The following FSIP2 variants were observed in gnomAD, a reference collection of about 807,000 sequenced individuals.
FSIP2 encodes fibrous sheath interacting protein 2, also known as fibrous sheath-interacting protein 2.
FSIP2 carries 367 observed loss-of-function variants against 510.5 expected under a neutral mutation model. That is an observed-to-expected ratio of 0.72 (90% CI 0.66 to 0.78). The LOEUF (loss-of-function observed/expected upper bound fraction) is 0.78, where lower values mean the gene tolerates loss of function less well. Among genes scored for constraint, FSIP2 ranks in the 30% least tolerant of loss-of-function variants. FSIP2 has a pLI of 0.00. For missense variants in FSIP2, 7,594 were observed against 7,901.7 expected, an observed-to-expected ratio of 0.96 and a Z score of 1.48; for synonymous variants, 2,601 against 2,732.2, an observed-to-expected ratio of 0.95 and a Z score of 1.50.
At position 185,761,965 on chromosome 2, in the gene FSIP2, C is replaced by A. The variant is rs1220315377; in HGVS notation, c.1195-7C>A. On this transcript the variant is annotated splice_polypyrimidine_tract_variant and splice_region_variant and intron_variant, in intron 10 of 22. Transcript: ENST00000424728. ...TAATTTTTTCTCTTCAATGTGGTACCATGTAGAGAGATGGGATGGTATCTA... is the reference window on the plus strand; with the variant it reads ...TAATTTTTTCTCTTCAATGTGGTACAATGTAGAGAGATGGGATGGTATCTA... 2.7e-6 allele frequency: 4 copies of A among 1,455,722 alleles called. No homozygotes were observed. The South Asian group carries it at 5.0e-5, about 18-fold the overall frequency. The allele number at this position is 1,455,722 out of a possible 1,614,324, so 90.2% of individuals were successfully genotyped here.
At chr2:185,768,522 T>G (rs904638856) in intron 13 of FSIP2, among the ~76,000 whole-genome samples, 7 of 152,190 alleles carry the variant, frequency 4.6e-5, no homozygotes, top group African/African-American at 1.7e-4. Flanking sequence ...AAAATTATCT[T>G]TCCCTATTGT....
Position 185,790,831 on chromosome 2 carries a change from ATTTATC to A in FSIP2, c.3701_3706del (p.Ser1234_Leu1235del), listed in dbSNP as rs1426244395. 3.3e-6 allele frequency: 5 copies of A among 1,532,836 alleles called. No homozygotes were observed. Among genetic ancestry groups the A allele is most frequent in the African/African-American group, 1.4e-5 (1 of 72,818 alleles). 95.0% of individuals were successfully genotyped at this position (1,532,836 alleles called of 1,614,324 possible). Reference sequence around the variant, plus strand: ...TTTGACAGTGAAAAGAAAATGAAATATTTATCTTTATTTGACGTTGATCCTGAAAAG... The same window carrying A: ...TTTGACAGTGAAAAGAAAATGAAATATTTATTTGACGTTGATCCTGAAAAG... On this transcript the variant is annotated inframe_deletion, in exon 16 of 23. Transcript: ENST00000424728.
At chr2:185,823,104 T>C (rs879537642) in intron 19 of FSIP2, among the ~76,000 whole-genome samples, 2 of 151,874 alleles carry the variant, frequency 1.3e-5, no homozygotes, top group Non-Finnish European at 2.9e-5. Flanking sequence ...AAAAAAACTT[T>C]TGTTGGAAGA....
chr2:185,753,709 T>C lies in FSIP2; in HGVS notation c.871-13T>C. 1 of 1,047,782 alleles carries C rather than the reference T, an allele frequency of 9.5e-7. No homozygotes were observed. Among genetic ancestry groups the C allele is most frequent in the Non-Finnish European group, 1.4e-6 (1 of 737,512 alleles). 64.9% of individuals were successfully genotyped at this position (1,047,782 alleles called of 1,614,324 possible). A position where few individuals can be genotyped will look rare whatever the true frequency, so the allele number is the denominator to read the frequency against. ...AGTTAATATTAACCAATATATTTTC[T>C]TTAATATTGTAGAAACAAGATCTTC... On this transcript the variant is annotated splice_polypyrimidine_tract_variant and intron_variant, in intron 7 of 22. Transcript: ENST00000424728.
intron 8 of FSIP2, among the ~76,000 whole-genome samples, chr2:185,755,710 C>A (rs1004278523): frequency 2.0e-5 from 3 of 151,488 alleles, no homozygotes; most frequent in African/African-American, 7.3e-5. Context: ...CTAATAACAG[C>A]CCCTTGAGCA....
At chr2:185,820,171 C>T (rs1387516626) in intron 19 of FSIP2, among the ~76,000 whole-genome samples, 4 of 151,876 alleles carry the variant, frequency 2.6e-5, no homozygotes, top group South Asian at 2.1e-4. Flanking sequence ...GGGGTGATTA[C>T]TCCTATGCTG....
rs1312622913 is a variant in FSIP2, at chr2:185,803,339, A to G, written c.14033A>G (p.Asp4678Gly). 1.3e-6 allele frequency: 2 copies of G among 1,532,938 alleles called. No individual in the cohort carries two copies. The highest frequency in any genetic ancestry group is 8.7e-7 in the Non-Finnish European group (1 of 1,144,924). The allele number at this position is 1,532,938 out of a possible 1,614,324, so 95.0% of individuals were successfully genotyped here. A position where few individuals can be genotyped will look rare whatever the true frequency, so the allele number is the denominator to read the frequency against. Residue 4678 changes from aspartate (D) to glycine (G), a missense_variant, in exon 17 of 23, where the codon GAT becomes GGT. Physicochemically the swap from Asp to Gly is moderately conservative, Grantham distance 94 (BLOSUM62 -1). Transcript: ENST00000424728. ...TCAAAAGCCCAAGTTAGCATTATAG[A>G]TAATACTGAGGAAAGACTGTGTTTA... ...EFSKAQVSII[D>G]NTEERLCLPP...
At position 185,796,179 on chromosome 2, in the gene FSIP2, G is replaced by A. The variant is rs1370599726; in HGVS notation, c.9043G>A (p.Glu3015Lys). 6.5e-7 allele frequency: 1 copy of A among 1,532,484 alleles called. No homozygotes were observed. The highest frequency in any genetic ancestry group is 2.5e-5 in the East Asian group (1 of 40,802). The allele number at this position is 1,532,484 out of a possible 1,614,324, so 94.9% of individuals were successfully genotyped here. ...GCAGTTTAAACATATCTCCAAATAT[G>A]AGTTTTCTGAAATTGTGAAAATGCC... Reference protein sequence around the residue: ...DLQFKHISKYEFSEIVKMPIE... With the variant: ...DLQFKHISKYKFSEIVKMPIE... Residue 3015 changes from glutamate to lysine, a missense_variant, in exon 16 of 23, where the codon GAG (glutamate) becomes AAG (lysine). By Grantham distance (56) the Glu-to-Lys change is moderately conservative. Transcript: ENST00000424728.
chr2:185,780,315 A>ATGAG (rs1692818438), intron 13 of FSIP2, among the ~76,000 whole-genome samples: 2 of 151,706 alleles, frequency 1.3e-5, no homozygotes, highest in Admixed American at 6.6e-5. Flanking sequence ...TTCTTGTCTC[A>ATGAG]TGTCCTTTAA....
In FSIP2 at chr2:185,824,441, G is replaced by A; in HGVS notation, c.20434G>A (p.Glu6812Lys). Residue 6812 changes from glutamate (E) to lysine (K), a missense_variant, in exon 20 of 23, where the codon GAA becomes AAA. Glu to Lys is a moderately conservative substitution (Grantham distance 56). Coordinates refer to ENST00000424728, the MANE Select transcript of FSIP2 (RefSeq NM_173651.4). ...CTTTTTCTTTTGTTTTAGTGAGGCT[G>A]AAGATTGTCACTCAGACCCAAGTGC... is the stretch of plus-strand genomic sequence containing the variant. ...EDLISSTGEA[E>K]DCHSDPSAKI... is the part of the protein sequence containing the mutation. The A allele has an allele frequency of 6.3e-7, 1 of 1,590,612 alleles. No individual in the cohort carries two copies. Among genetic ancestry groups the A allele is most frequent in the South Asian group, 1.2e-5 (1 of 86,514 alleles).
Position 185,791,305 on chromosome 2 carries a change from T to C in FSIP2, c.4169T>C (p.Val1390Ala). ...AAGCCAAAGTCTGCAACTGACAGTGTTGATGTACAAAGCATTTTGCCAAAT... is the reference window on the plus strand; with the variant it reads ...AAGCCAAAGTCTGCAACTGACAGTGCTGATGTACAAAGCATTTTGCCAAAT... ...SRKPKSATDS[V>A]DVQSILPNRQ... The change falls in exon 16 of 23, where the codon GTT (valine) becomes GCT (alanine). Residue 1390 changes from valine (V) to alanine (A), a missense_variant. Val to Ala is a moderately conservative substitution (Grantham distance 64). Transcript: ENST00000424728. The C allele has an allele frequency of 6.5e-7, 1 of 1,534,244 alleles. No homozygotes were observed. The highest frequency in any genetic ancestry group is 8.7e-7 in the Non-Finnish European group (1 of 1,145,582).
At chr2:185,832,716 A>C (rs1420204503) in intron 22 of FSIP2, among the ~76,000 whole-genome samples, 1 of 151,918 alleles carries the variant, frequency 6.6e-6, no homozygotes, top group Admixed American at 6.6e-5. Context: ...TCCATGACAT[A>C]AATAATCACT....
Position 185,806,101 on chromosome 2 carries a change from G to A in FSIP2, c.16795G>A (p.Val5599Ile). ...IIDDTEYEKE[V>I]LGSDSEIGYK... ...TGATGATACAGAATATGAGAAGGAA[G>A]TACTTGGATCAGATTCTGAAATAGG... Residue 5599 changes from valine to isoleucine, a missense_variant, in exon 17 of 23, where the codon GTA (valine) becomes ATA (isoleucine). Physicochemically the swap from Val to Ile is conservative, Grantham distance 29. Transcript: ENST00000424728. The A allele has an allele frequency of 1.3e-6, 2 of 1,574,618 alleles. No homozygotes were observed. The highest frequency in any genetic ancestry group is 1.4e-5 in the African/African-American group (1 of 72,724).
chr2:185,793,329 G>T lies in FSIP2; in HGVS notation c.6193G>T (p.Asp2065Tyr), dbSNP rs60029104. 30 of 1,533,768 alleles carry T rather than the reference G, an allele frequency of 2.0e-5. No individual in the cohort carries two copies. Among genetic ancestry groups the T allele is most frequent in the Non-Finnish European group, 2.6e-5 (30 of 1,145,518 alleles). Residue 2065 changes from aspartate to tyrosine, a missense_variant, in exon 16 of 23, where the codon GAT (aspartate) becomes TAT (tyrosine). Transcript: ENST00000424728. Reference sequence around the variant, plus strand: ...CAAAAACAGTTCTGACAAAGAGATCGATTTAGATCAGCAAAAAGGTGTTAT... The same window carrying T: ...CAAAAACAGTTCTGACAAAGAGATCTATTTAGATCAGCAAAAAGGTGTTAT... ...CDKNSSDKEI[D>Y]LDQQKGVIEK...
chr2:185,830,361 C>T (rs966456686), intron 21 of FSIP2, among the ~76,000 whole-genome samples: 2 of 151,808 alleles, frequency 1.3e-5, no homozygotes, highest in African/African-American at 2.4e-5. Flanking sequence ...TAACAATGCT[C>T]CATTAAGTAA....
chr2:185,805,320 T>G lies in FSIP2; in HGVS notation c.16014T>G (p.Phe5338Leu), dbSNP rs1693539078. Residue 5338 changes from phenylalanine to leucine, a missense_variant, in exon 17 of 23, where the codon TTT (phenylalanine) becomes TTG (leucine). Phe to Leu is a conservative substitution (Grantham distance 22). Coordinates refer to ENST00000424728, the MANE Select transcript of FSIP2 (RefSeq NM_173651.4). ...IKVLPNAEKM[F>L]SFPPIDKETV... ...TTTTACCAAATGCTGAAAAAATGTTTTCTTTTCCACCAATTGATAAAGAGA... is the reference window on the plus strand; with the variant it reads ...TTTTACCAAATGCTGAAAAAATGTTGTCTTTTCCACCAATTGATAAAGAGA... 1.3e-6 allele frequency: 2 copies of G among 1,597,296 alleles called. No homozygotes were observed. Among genetic ancestry groups the G allele is most frequent in the African/African-American group, 2.7e-5 (2 of 73,742 alleles).
At chr2:185,815,538 C>A (rs1693810378) in intron 19 of FSIP2, 67 bp downstream of exon 19, 1 of 694,148 alleles carries the variant, frequency 1.4e-6, no homozygotes, top group Non-Finnish European at 2.4e-6. Context: ...TAGAATGGGG[C>A]CCCTGGCAAA....
chr2:185,795,667 G>A lies in FSIP2; in HGVS notation c.8531G>A (p.Trp2844Ter). The A allele has an allele frequency of 6.5e-7, 1 of 1,533,640 alleles. No individual in the cohort carries two copies. Among genetic ancestry groups the A allele is most frequent in the Non-Finnish European group, 8.7e-7 (1 of 1,145,384 alleles). Residue 2844 changes from tryptophan (W) to a stop codon, truncating the protein, a stop_gained, in exon 16 of 23, where the codon TGG (tryptophan) becomes TAG (stop). Coordinates refer to ENST00000424728, the MANE Select transcript of FSIP2 (RefSeq NM_173651.4). LOFTEE classifies it high-confidence loss of function. ...EGIFKKLFDK[W>*]QTESNDKENE... is the part of the protein sequence containing the mutation. Reference sequence around the variant, plus strand: ...ATATTTAAAAAATTGTTTGACAAGTGGCAAACAGAATCAAATGACAAGGAA... The same window carrying A: ...ATATTTAAAAAATTGTTTGACAAGTAGCAAACAGAATCAAATGACAAGGAA...
At chr2:185,753,348 G>T (rs1476850682) in intron 7 of FSIP2, among the ~76,000 whole-genome samples, 2 of 151,324 alleles carry the variant, frequency 1.3e-5, no homozygotes, top group East Asian at 3.9e-4. Context: ...CACATTTTAT[G>T]TACTATATTA....
Sources: allele counts gnomAD v4.1 joint callset (sites outside exome capture counted in the v4.1 genomes callset), GRCh38; gene constraint gnomAD v4.1.1; transcripts MANE v1.5; gene names NCBI Gene and HGNC (gene_info 2026-07-23, HGNC 2026-07-21).